The following P4HA1 variants were observed in gnomAD, a reference collection of about 807,000 sequenced individuals.
The protein encoded by P4HA1 is prolyl 4-hydroxylase subunit alpha 1.
Under a neutral mutation model 72.8 loss-of-function variants are expected in P4HA1, and 24 were observed. That is an observed-to-expected ratio of 0.33 (90% CI 0.24 to 0.46). The LOEUF (loss-of-function observed/expected upper bound fraction) is 0.46, where lower values mean the gene tolerates loss of function less well. Ranked by LOEUF, P4HA1 falls within the 20% of genes least tolerant of loss-of-function variation. The pLI, the probability that P4HA1 is intolerant of heterozygous loss-of-function variation, is 1.00. For missense variants in P4HA1, 446 were observed against 640.6 expected (o/e 0.70, Z 3.28); for synonymous variants, 201 against 218.8 (o/e 0.92, Z 0.72).
At chr10:73,075,146 C>G (rs952744270) in intron 1 of P4HA1, among the ~76,000 whole-genome samples, 1 of 152,120 alleles carries the variant, frequency 6.6e-6, no homozygotes, top group African/African-American at 2.4e-5. Flanking sequence ...GAGTCTCTGT[C>G]GCCCAGGCTG....
intron 1 of P4HA1, among the ~76,000 whole-genome samples, chr10:73,081,978 C>T (rs2133152176): frequency 6.6e-6 from 1 of 152,294 alleles, no homozygotes; most frequent in Admixed American, 6.5e-5. Flanking sequence ...ATGGCACCAC[C>T]ACACTCTAGC....
chr10:73,042,619 T>C (rs186834196), intron 9 of P4HA1, among the ~76,000 whole-genome samples: 376 of 152,260 alleles, frequency 2.5e-3, no homozygotes, highest in African/African-American at 8.6e-3. Context: ...GTGAACAAAA[T>C]ATTTTTTAAT....
At chr10:73,027,269 TA>T (rs768329660) in intron 10 of P4HA1, among the ~76,000 whole-genome samples, 6 of 151,984 alleles carry the variant, frequency 3.9e-5, no homozygotes, top group African/African-American at 1.4e-4. Flanking sequence ...CATGCAGCCA[TA>T]AAAAAGGATG....
intron 7 of P4HA1, 45 bp downstream of exon 7, chr10:73,051,006 CAT>C: frequency 7.7e-7 from 1 of 1,297,974 alleles, no homozygotes; most frequent in Non-Finnish European, 1.1e-6. Flanking sequence ...TGTACAAACA[CAT>C]ACACACACAC....
At position 73,074,873 on chromosome 10, in the gene P4HA1, T is replaced by C. The variant is rs202098231; in HGVS notation, c.11A>G (p.Tyr4Cys). 18 of 1,501,850 alleles carry C rather than the reference T, an allele frequency of 1.2e-5. No individual in the cohort carries two copies. The highest frequency in any genetic ancestry group is 2.3e-5 in the South Asian group (2 of 86,700). The allele number at this position is 1,501,850 out of a possible 1,614,324, so 93.0% of individuals were successfully genotyped here. A position where few individuals can be genotyped will look rare whatever the true frequency, so the allele number is the denominator to read the frequency against. ...AAGCAGAATTCCTATAATTAATATA[T>C]ACCAGATCATCTTGGAAGATTTAAT... is the stretch of plus-strand genomic sequence containing the variant. MIWYILIIGILLPQ... is the reference protein window; with the variant it reads MIWCILIIGILLPQ... The change falls in exon 2 of 15, where the codon TAT becomes TGT. Residue 4 changes from tyrosine to cysteine, a missense_variant. Transcript: ENST00000394890.
In P4HA1 at chr10:73,014,308, TA is replaced by T. The variant is rs779572252; in HGVS notation, c.1303-20del. 7 of 1,582,148 alleles carry T rather than the reference TA, an allele frequency of 4.4e-6. No homozygotes were observed. In the African/African-American group the frequency reaches 9.4e-5, roughly 21 times the overall value. On this transcript the variant is annotated intron_variant, in intron 11 of 14. Coordinates refer to ENST00000394890, the MANE Select transcript of P4HA1 (RefSeq NM_001017962.3). ...CATCTTTCTGTGAATAAAAACACAGTAAATTCAATGGTGTAAAAATTCAGTA... is the reference window on the plus strand; with the variant it reads ...CATCTTTCTGTGAATAAAAACACAGTAATTCAATGGTGTAAAAATTCAGTA...
At chr10:73,060,528 G>C (rs957247980) in intron 5 of P4HA1, among the ~76,000 whole-genome samples, 2 of 152,080 alleles carry the variant, frequency 1.3e-5, no homozygotes, top group South Asian at 2.1e-4. Context: ...CACCATGATC[G>C]CATCTGTGAA....
intron 9 of P4HA1, among the ~76,000 whole-genome samples, chr10:73,041,684 A>C (rs1426798343): frequency 6.6e-6 from 1 of 152,126 alleles, no homozygotes; most frequent in Non-Finnish European, 1.5e-5. Flanking sequence ...GTATGTGAAC[A>C]AACAGGCTTT....
chr10:73,065,508 A>G (rs778268065), intron 5 of P4HA1: 1 of 152,202 alleles, frequency 6.6e-6, no homozygotes, highest in Non-Finnish European at 1.5e-5. Context: ...TTTTGTTTGA[A>G]GAAAATTTAA....
intron 4 of P4HA1, among the ~76,000 whole-genome samples, chr10:73,069,423 T>A (rs1175414987): frequency 1.3e-5 from 2 of 152,172 alleles, no homozygotes; most frequent in Non-Finnish European, 2.9e-5. Flanking sequence ...GTTTTTTTCT[T>A]CCATGTATTA....
At chr10:73,050,983 C>A in intron 7 of P4HA1, 70 bp downstream of exon 7, 2 of 1,042,932 alleles carry the variant, frequency 1.9e-6, no homozygotes, top group Non-Finnish European at 2.8e-6. Context: ...ATAACTGATT[C>A]TCTCCAGAAC....
Position 73,067,394 on chromosome 10 carries a change from TC to T in P4HA1, c.463+1451del, listed in dbSNP as rs759734281. On this transcript the variant is annotated intron_variant, in intron 5 of 14. Transcript: ENST00000394890. ...TTTCTAAAAGGAAAAATCATAAATTTCCCTTACAAACTTTTTAATAGCTCCG... is the reference window on the plus strand; with the variant it reads ...TTTCTAAAAGGAAAAATCATAAATTTCCTTACAAACTTTTTAATAGCTCCG... 2.0e-4 allele frequency among the ~76,000 whole-genome samples: 30 copies of T among 152,188 alleles called. No homozygotes were observed. The East Asian group carries it at 2.7e-3, about 14-fold the overall frequency.
chr10:73,063,967 A>G (rs1841366230), intron 5 of P4HA1, among the ~76,000 whole-genome samples: 1 of 147,914 alleles, frequency 6.8e-6, no homozygotes, highest in Non-Finnish European at 1.5e-5. Flanking sequence ...TGAAATAAGG[A>G]AAGTGGTATG....
At chr10:73,080,145 C>A (rs148095769) in intron 1 of P4HA1, among the ~76,000 whole-genome samples, 2 of 152,338 alleles carry the variant, frequency 1.3e-5, no homozygotes, top group Non-Finnish European at 2.9e-5. Context: ...TCTCCCAGCC[C>A]ACCTAAGAAA....
chr10:73,053,664 C>G (rs1181360043), intron 5 of P4HA1, 74 bp from the exon 6 acceptor site: 5 of 1,290,262 alleles, frequency 3.9e-6, no homozygotes, highest in Non-Finnish European at 5.4e-6. Context: ...ACACAGCTTT[C>G]AAAATGCTGT....
chr10:73,008,464 T>C (rs1388941945), intron 14 of P4HA1, among the ~76,000 whole-genome samples, 172 bp from the exon 15 acceptor site: 1 of 152,174 alleles, frequency 6.6e-6, no homozygotes, highest in African/African-American at 2.4e-5. Flanking sequence ...AAACACAGAT[T>C]TTATATACCT....
At chr10:73,045,231 T>G (rs1047558020) in intron 8 of P4HA1, among the ~76,000 whole-genome samples, 180 bp from the exon 9 acceptor site, 14 of 130,424 alleles carry the variant, frequency 1.1e-4, no homozygotes, top group Admixed American at 6.5e-4. Flanking sequence ...GTTTTTGGGG[T>G]TTTTTTTTTT....
At chr10:73,017,169 A>C (rs1393534197) in intron 10 of P4HA1, among the ~76,000 whole-genome samples, 1 of 144,768 alleles carries the variant, frequency 6.9e-6, no homozygotes, top group Non-Finnish European at 1.5e-5. Context: ...ATATCTACAG[A>C]TGTATATATA....
At chr10:73,057,778 T>C (rs1472523513) in intron 5 of P4HA1, among the ~76,000 whole-genome samples, 1 of 151,440 alleles carries the variant, frequency 6.6e-6, no homozygotes, top group Non-Finnish European at 1.5e-5. Context: ...AAAATGAAAA[T>C]GGTATACATA....
Sources: gnomAD v4.1 joint callset for allele counts (sites outside exome capture counted in the v4.1 genomes callset) on GRCh38, gnomAD v4.1.1 for gene constraint, MANE v1.5 for transcripts, NCBI Gene and HGNC (gene_info 2026-07-23, HGNC 2026-07-21) for gene names.